The following FMN1 variants were observed in gnomAD, a reference collection of about 807,000 sequenced individuals.
The protein encoded by FMN1 is formin-1.
Under a neutral mutation model 132.4 loss-of-function variants are expected in FMN1, and 110 were observed. That is an observed-to-expected ratio of 0.83 (90% CI 0.71 to 0.97). FMN1 has a LOEUF of 0.97. Among genes scored for constraint, FMN1 ranks in the 50% least tolerant of loss-of-function variants. FMN1 has a pLI of 0.00. For synonymous variants in FMN1, 722 were observed against 651.7 expected (o/e 1.11, Z -1.64); for missense variants, 1,792 against 1,705.3 (o/e 1.05, Z -0.90).
At chr15:33,151,908 C>T (rs1466993427) in intron 4 of FMN1, among the ~76,000 whole-genome samples, 1 of 152,142 alleles carries the variant, frequency 6.6e-6, no homozygotes, top group Non-Finnish European at 1.5e-5. Context: ...AAGCATTTAC[C>T]ACATTTTTAA....
chr15:32,879,666 AT>A (rs143310865), intron 16 of FMN1, among the ~76,000 whole-genome samples: 3 of 147,758 alleles, frequency 2.0e-5, no homozygotes, highest in Admixed American at 6.8e-5. Context: ...GATCGGCTCC[AT>A]TTTTTTTTTC....
chr15:32,778,574 C>T (rs191938439), intron 19 of FMN1, among the ~76,000 whole-genome samples: 2 of 152,036 alleles, frequency 1.3e-5, no homozygotes, highest in Non-Finnish European at 2.9e-5. Flanking sequence ...CATTAGTCAT[C>T]AGAAAATGCA....
At chr15:33,023,219 A>C (rs1398240200) in intron 6 of FMN1, among the ~76,000 whole-genome samples, 2 of 151,402 alleles carry the variant, frequency 1.3e-5, no homozygotes, top group Non-Finnish European at 2.9e-5. Flanking sequence ...CTGGTAAGAC[A>C]ACTGCAAAAC....
chr15:32,938,927 A>G (rs1295805431), intron 9 of FMN1, among the ~76,000 whole-genome samples: 2 of 152,216 alleles, frequency 1.3e-5, no homozygotes, highest in African/African-American at 4.8e-5. Context: ...AATACACTTA[A>G]ATAAGGGCTT....
At position 32,773,820 on chromosome 15, in the gene FMN1, G is replaced by A. The variant is rs1390760796; in HGVS notation, c.*490C>T. On this transcript the variant is annotated 3_prime_UTR_variant, in exon 21 of 21. Transcript: ENST00000616417. ...TTTGGTGAGTTGCAACATTATTGGA[G>A]AGAAAGATGCTGCAGGATTTTGCTG... is the stretch of plus-strand genomic sequence containing the variant. 1.3e-5 allele frequency: 2 copies of A among 159,534 alleles called. No homozygotes were observed. Among genetic ancestry groups the A allele is most frequent in the African/African-American group, 4.8e-5 (2 of 41,456 alleles). The allele number at this position is 159,534 out of a possible 1,614,324, so 9.9% of individuals were successfully genotyped here.
chr15:33,108,526 AAAC>A lies in FMN1; in HGVS notation c.1868-19555_1868-19553del, dbSNP rs370653730. Among the ~76,000 whole-genome samples the A allele has an allele frequency of 3.3e-4, 48 of 145,672 alleles. 1 individual carries two copies. The East Asian group carries it at 5.0e-3, about 15-fold the overall frequency. On this transcript the variant is annotated intron_variant, in intron 4 of 20. Coordinates refer to ENST00000616417, the MANE Select transcript of FMN1 (RefSeq NM_001277313.2). ...AACATAATTCTCTAACTCTGCTATTAAACAACAAGAGGCCTGGAGAAACTGAAC... is the reference window on the plus strand; with the variant it reads ...AACATAATTCTCTAACTCTGCTATTAAACAAGAGGCCTGGAGAAACTGAAC...
At chr15:32,785,125 T>C (rs993751320) in intron 19 of FMN1, among the ~76,000 whole-genome samples, 3 of 148,054 alleles carry the variant, frequency 2.0e-5, no homozygotes, top group South Asian at 2.2e-4. Flanking sequence ...CTCTTAAGTA[T>C]GATGCTAGGG....
chr15:32,860,310 G>T (rs1324536791), intron 16 of FMN1, among the ~76,000 whole-genome samples: 2 of 151,994 alleles, frequency 1.3e-5, no homozygotes, highest in African/African-American at 4.8e-5. Flanking sequence ...GAAGAAAAAA[G>T]GTTTCTTCAT....
intron 7 of FMN1, among the ~76,000 whole-genome samples, chr15:32,985,960 T>G (rs2033041811): frequency 6.6e-6 from 1 of 152,176 alleles, no homozygotes; most frequent in Non-Finnish European, 1.5e-5. Context: ...GGTGTTTTCG[T>G]CCATGTGCAT....
intron 6 of FMN1, chr15:33,012,836 G>C (rs115225803): frequency 3.2e-6 from 2 of 628,614 alleles, no homozygotes; most frequent in Non-Finnish European, 6.0e-6. Context: ...GGTAGCAGTG[G>C]GGGTGGCTAT....
intron 7 of FMN1, among the ~76,000 whole-genome samples, chr15:32,994,666 GCACT>G (rs1303279301): frequency 6.6e-6 from 1 of 152,176 alleles, no homozygotes; most frequent in Non-Finnish European, 1.5e-5. Context: ...CATCCAGGAA[GCACT>G]CAATCAATAC....
intron 15 of FMN1, among the ~76,000 whole-genome samples, chr15:32,896,069 T>G (rs900408182): frequency 1.3e-5 from 2 of 152,126 alleles, no homozygotes; most frequent in Admixed American, 6.5e-5. Flanking sequence ...TGCTCTGGTC[T>G]CTGGTATGAG....
At chr15:33,115,949 T>TG (rs1359291429) in intron 4 of FMN1, among the ~76,000 whole-genome samples, 1 of 152,046 alleles carries the variant, frequency 6.6e-6, no homozygotes, top group African/African-American at 2.4e-5. Context: ...CTCACACACC[T>TG]GCTTGCAATA....
chr15:33,026,458 G>C (rs1596499991), intron 6 of FMN1, among the ~76,000 whole-genome samples: 1 of 117,866 alleles, frequency 8.5e-6, no homozygotes, highest in African/African-American at 2.9e-5. Flanking sequence ...ATAAGACTAG[G>C]TTTAGCCTTA....
At chr15:32,850,018 AAG>A (rs2058972414) in intron 17 of FMN1, among the ~76,000 whole-genome samples, 1 of 152,170 alleles carries the variant, frequency 6.6e-6, no homozygotes. Context: ...CGGAAGTCAC[AAG>A]AGATTATCTT....
chr15:32,809,069 T>C (rs960136452), intron 17 of FMN1, among the ~76,000 whole-genome samples: 1 of 152,158 alleles, frequency 6.6e-6, no homozygotes, highest in Non-Finnish European at 1.5e-5. Context: ...AACTTATTTA[T>C]AATTTAACAA....
intron 10 of FMN1, among the ~76,000 whole-genome samples, chr15:32,916,502 G>C (rs552446148): frequency 6.6e-6 from 1 of 152,324 alleles, no homozygotes. Flanking sequence ...AGTCTGTTAA[G>C]ATTAGCCAAA....
chr15:33,158,208 A>T (rs1003866088), intron 3 of FMN1, among the ~76,000 whole-genome samples: 2 of 151,688 alleles, frequency 1.3e-5, no homozygotes, highest in African/African-American at 4.9e-5. Flanking sequence ...GACTGACATA[A>T]AGGCTATATC....
intron 15 of FMN1, among the ~76,000 whole-genome samples, chr15:32,889,584 C>T (rs1416425353): frequency 6.6e-6 from 1 of 152,130 alleles, no homozygotes; most frequent in Non-Finnish European, 1.5e-5. Context: ...GCTTCTAGGC[C>T]TTTGTCTATA....
Sources: allele counts gnomAD v4.1 joint callset (sites outside exome capture counted in the v4.1 genomes callset), GRCh38; gene constraint gnomAD v4.1.1; transcripts MANE v1.5; gene names NCBI Gene and HGNC (gene_info 2026-07-23, HGNC 2026-07-21).